Variants in DMD observed in about 807,000 individuals in gnomAD.
DMD encodes the protein mutant dystrophin.
DMD carries 63 observed loss-of-function variants against 330.1 expected under a neutral mutation model. That is an observed-to-expected ratio of 0.19 (90% CI 0.16 to 0.24). The LOEUF (loss-of-function observed/expected upper bound fraction) is 0.24, where lower values mean the gene tolerates loss of function less well. Ranked by LOEUF, DMD falls within the 10% of genes least tolerant of loss-of-function variation. The pLI is 1.00. For synonymous variants in DMD, 1,223 were observed against 959.8 expected, an observed-to-expected ratio of 1.27 and a Z score of -5.07; for missense variants, 3,344 against 2,684.1, an observed-to-expected ratio of 1.25 and a Z score of -5.43.
intron 1 of DMD, among the ~76,000 whole-genome samples, chrX:33,044,835 A>G (rs770805037): frequency 8.9e-6 from 1 of 112,170 alleles, no homozygotes; most frequent in Middle Eastern, 4.2e-3. Context: ...GAAGGAATTC[A>G]TTTTTCACTT....
At chrX:32,394,793 A>T (rs1453448370) in intron 30 of DMD, among the ~76,000 whole-genome samples, 2 of 109,137 alleles carry the variant, frequency 1.8e-5, no homozygotes, top group Non-Finnish European at 3.8e-5. Context: ...ATCTGTGTAC[A>T]TGTATTTAAA....
intron 29 of DMD, among the ~76,000 whole-genome samples, chrX:32,425,385 C>T (rs1195782685): frequency 9.0e-6 from 1 of 111,230 alleles, no homozygotes; most frequent in African/African-American, 3.3e-5. Flanking sequence ...CAAAGTCAAT[C>T]CTTCCATTTT....
chrX:31,748,299 C>T (rs1011008721), intron 51 of DMD, among the ~76,000 whole-genome samples: 2 of 111,873 alleles, frequency 1.8e-5, no homozygotes, highest in Non-Finnish European at 3.8e-5. Context: ...AAAACAAACT[C>T]ACAGTACATG....
intron 60 of DMD, among the ~76,000 whole-genome samples, chrX:31,362,207 A>G (rs2058974915): frequency 8.9e-6 from 1 of 112,148 alleles, no homozygotes; most frequent in Non-Finnish European, 1.9e-5. Flanking sequence ...TAGTATCGCT[A>G]TTGTTCCTAC....
chrX:33,121,308 G>A (rs967839711), intron 1 of DMD, among the ~76,000 whole-genome samples: 2 of 107,696 alleles, frequency 1.9e-5, no homozygotes, highest in Admixed American at 2.0e-4. Flanking sequence ...TTGGCTCACC[G>A]AAACCTCCGC....
chrX:31,898,002 C>A (rs895496744), intron 47 of DMD, among the ~76,000 whole-genome samples: 1 of 110,802 alleles, frequency 9.0e-6, no homozygotes, highest in Non-Finnish European at 1.9e-5. Context: ...CTTGCCCATG[C>A]CTATGTCCTG....
chrX:31,796,218 G>C (rs1383936716), intron 50 of DMD, among the ~76,000 whole-genome samples: 1 of 112,294 alleles, frequency 8.9e-6, no homozygotes, highest in East Asian at 2.8e-4. Flanking sequence ...CTAGTGAAGA[G>C]GTTTTGTAGA....
Position 31,952,394 on chromosome X carries a change from T to C in DMD, c.6614+15945A>G, listed in dbSNP as rs201781994. ...ACTCATGTTCGTTTTTTATACTGTT[T>C]TACCTCTGACATTCAGATTGGATAA... On this transcript the variant is annotated intron_variant, in intron 45 of 78. Coordinates refer to ENST00000357033, the MANE Select transcript of DMD (RefSeq NM_004006.3). Among the ~76,000 whole-genome samples, 8 of 111,410 alleles carry C rather than the reference T, an allele frequency of 7.2e-5. No individual in the cohort carries two copies. In the East Asian group the frequency reaches 2.0e-3, roughly 27 times the overall value.
chrX:31,169,141 A>G (rs1232387470), intron 74 of DMD, among the ~76,000 whole-genome samples: 4 of 111,445 alleles, frequency 3.6e-5, no homozygotes, highest in African/African-American at 3.3e-5. Context: ...CTTTTTTCTT[A>G]AATTCTATTC....
chrX:32,353,395 C>G (rs187247332), intron 37 of DMD, among the ~76,000 whole-genome samples: 1 of 111,523 alleles, frequency 9.0e-6, no homozygotes, highest in African/African-American at 3.2e-5. Flanking sequence ...TCTTGAGTCA[C>G]CAAATTTTAA....
chrX:32,308,186 T>C (rs1158717758), intron 42 of DMD, among the ~76,000 whole-genome samples: 1 of 111,009 alleles, frequency 9.0e-6, no homozygotes, highest in Non-Finnish European at 1.9e-5. Context: ...TACGTGCTAT[T>C]TTAGTTGTAT....
intron 29 of DMD, among the ~76,000 whole-genome samples, chrX:32,430,546 A>T (rs2098233833): frequency 9.0e-6 from 1 of 111,691 alleles, no homozygotes; most frequent in African/African-American, 3.2e-5. Flanking sequence ...TCCTATTCTA[A>T]TATTATTATT....
chrX:31,146,959 T>C (rs1036560339), intron 75 of DMD, among the ~76,000 whole-genome samples: 1 of 111,871 alleles, frequency 8.9e-6, no homozygotes, highest in African/African-American at 3.3e-5. Context: ...GTAAATGAAA[T>C]AGTTCCATTT....
chrX:32,468,185 G>A lies in DMD; in HGVS notation c.3162+313C>T, dbSNP rs184528109. ...CTAGTCATAAGCTAAATGATTACCC[G>A]TATCTTAAAAGACAACCAGACTAAA... On this transcript the variant is annotated intron_variant, in intron 23 of 78. Transcript: ENST00000357033. Among the ~76,000 whole-genome samples, 8 of 110,337 alleles carry A rather than the reference G, an allele frequency of 7.3e-5. No individual in the cohort carries two copies. In the East Asian group the frequency reaches 8.6e-4, roughly 12 times the overall value.
At chrX:32,731,273 T>C (rs1261589540) in intron 7 of DMD, among the ~76,000 whole-genome samples, 1 of 112,097 alleles carries the variant, frequency 8.9e-6, no homozygotes, top group East Asian at 2.8e-4. Context: ...CCCAACGGAA[T>C]CTCGCTGATT....
chrX:33,218,242 G>C (rs1419159727), intron 1 of DMD, among the ~76,000 whole-genome samples: 1 of 111,235 alleles, frequency 9.0e-6, no homozygotes, highest in Non-Finnish European at 1.9e-5. Flanking sequence ...GTAAAAATTT[G>C]TTAAGGCTTT....
At chrX:32,165,348 C>G (rs763671324) in intron 44 of DMD, among the ~76,000 whole-genome samples, 12 of 112,689 alleles carry the variant, frequency 1.1e-4, no homozygotes, top group Non-Finnish European at 2.1e-4. Flanking sequence ...ATCAGTGTTA[C>G]CTGGATGTGA....
At chrX:32,584,612 T>C (rs757756971) in intron 13 of DMD, among the ~76,000 whole-genome samples, 2 of 112,438 alleles carry the variant, frequency 1.8e-5, no homozygotes, top group East Asian at 5.6e-4. Flanking sequence ...TAATGCTATA[T>C]GCAACATAGT....
intron 51 of DMD, among the ~76,000 whole-genome samples, chrX:31,751,274 T>C (rs953073442): frequency 9.0e-6 from 1 of 111,308 alleles, no homozygotes; most frequent in Non-Finnish European, 1.9e-5. Context: ...TGAACTCAGG[T>C]CTTTCTGACT....
Sources: allele counts gnomAD v4.1 joint callset (sites outside exome capture counted in the v4.1 genomes callset), GRCh38; gene constraint gnomAD v4.1.1; transcripts MANE v1.5; gene names NCBI Gene and HGNC (gene_info 2026-07-23, HGNC 2026-07-21).